REEP3: variants seen among roughly 807,000 people sequenced by gnomAD.
REEP3 encodes receptor accessory protein 3.
A neutral mutation model predicts 41.3 loss-of-function variants in REEP3; 20 were observed. That is an observed-to-expected ratio of 0.48 (90% CI 0.34 to 0.70). REEP3 has a LOEUF of 0.70. Among genes scored for constraint, REEP3 ranks in the 30% least tolerant of loss-of-function variants. REEP3 has a pLI of 0.01. For missense variants in REEP3, 271 were observed against 308.8 expected (o/e 0.88, Z 0.92); for synonymous variants, 104 against 101.8 (o/e 1.02, Z -0.13).
intron 5 of REEP3, among the ~76,000 whole-genome samples, chr10:63,609,802 T>A (rs1167922435): frequency 6.6e-6 from 1 of 151,858 alleles, no homozygotes; most frequent in Non-Finnish European, 1.5e-5. Flanking sequence ...AAACAAAAAA[T>A]TAAAAGTTGC....
At chr10:63,604,812 G>A (rs559465469) in intron 5 of REEP3, among the ~76,000 whole-genome samples, 3 of 152,152 alleles carry the variant, frequency 2.0e-5, no homozygotes, top group African/African-American at 7.2e-5. Flanking sequence ...AATTAGCCAC[G>A]AGATTTTGGG....
chr10:63,615,046 T>C (rs1335103578), intron 6 of REEP3, among the ~76,000 whole-genome samples: 1 of 152,160 alleles, frequency 6.6e-6, no homozygotes, highest in African/African-American at 2.4e-5. Flanking sequence ...TGTCAGTCTA[T>C]ACTTAATGAT....
At position 63,521,478 on chromosome 10, in the gene REEP3, G is replaced by A. The variant is rs1955237427; in HGVS notation, c.-68G>A. Reference sequence around the variant, plus strand: ...GAGCCGGCGAAGCGCGCGGCCTGCCGTTGGCGGCCTGGTCCGCAGCGCCCT... The same window carrying A: ...GAGCCGGCGAAGCGCGCGGCCTGCCATTGGCGGCCTGGTCCGCAGCGCCCT... On this transcript the variant is annotated 5_prime_UTR_variant, in exon 1 of 8. Transcript: ENST00000373758. 4.4e-6 allele frequency: 5 copies of A among 1,141,144 alleles called. No homozygotes were observed. Among genetic ancestry groups the A allele is most frequent in the African/African-American group, 3.3e-5 (2 of 60,478 alleles). 70.7% of individuals were successfully genotyped at this position (1,141,144 alleles called of 1,614,324 possible). A position where few individuals can be genotyped will look rare whatever the true frequency, so the allele number is the denominator to read the frequency against.
At chr10:63,611,702 T>C (rs1290554814) in intron 6 of REEP3, among the ~76,000 whole-genome samples, 2 of 151,952 alleles carry the variant, frequency 1.3e-5, no homozygotes, top group African/African-American at 2.4e-5. Context: ...GAAAATCATC[T>C]TTATAATTAA....
intron 5 of REEP3, among the ~76,000 whole-genome samples, chr10:63,609,180 C>T (rs1319496604): frequency 5.5e-5 from 8 of 144,254 alleles, no homozygotes; most frequent in African/African-American, 1.5e-4. Flanking sequence ...TGGCCGGGCA[C>T]GGTGGCTCAC....
chr10:63,621,090 A>G lies in REEP3; in HGVS notation c.*221A>G, dbSNP rs1956350124. On this transcript the variant is annotated 3_prime_UTR_variant, in exon 8 of 8. Coordinates refer to ENST00000373758, the MANE Select transcript of REEP3 (RefSeq NM_001001330.3). ...GCAAGATGTACTAAATATGTATATT[A>G]GAAATTATAGAAAATCATGTTGTCC... 2.6e-6 allele frequency: 1 copy of G among 379,068 alleles called. No homozygotes were observed. The highest frequency in any genetic ancestry group is 4.4e-5 in the East Asian group (1 of 22,670). 23.5% of individuals were successfully genotyped at this position (379,068 alleles called of 1,614,324 possible).
chr10:63,552,433 A>T (rs1419562695), intron 1 of REEP3, among the ~76,000 whole-genome samples: 1 of 152,170 alleles, frequency 6.6e-6, no homozygotes, highest in Non-Finnish European at 1.5e-5. Context: ...AAGAAATATA[A>T]CATTGATGAA....
intron 2 of REEP3, among the ~76,000 whole-genome samples, chr10:63,572,015 G>GT (rs1158882367): frequency 6.6e-6 from 1 of 152,292 alleles, no homozygotes; most frequent in East Asian, 1.9e-4. Flanking sequence ...AAAGCTGGAC[G>GT]TTCGGGGGCC....
At chr10:63,542,804 C>CT (rs1955540599) in intron 1 of REEP3, among the ~76,000 whole-genome samples, 3 of 152,126 alleles carry the variant, frequency 2.0e-5, no homozygotes, top group Non-Finnish European at 1.5e-5. Flanking sequence ...AGTAAGGTGA[C>CT]TTTAACAGTT....
chr10:63,559,235 T>A (rs1253401170), intron 1 of REEP3, among the ~76,000 whole-genome samples: 1 of 152,202 alleles, frequency 6.6e-6, no homozygotes, highest in Non-Finnish European at 1.5e-5. Flanking sequence ...AGTTCAGAAA[T>A]TAATTATTAA....
In REEP3 at chr10:63,623,478, T is replaced by C. The variant is rs1046585875; in HGVS notation, c.*2609T>C. The C allele has an allele frequency of 4.6e-5, 7 of 152,334 alleles. No individual in the cohort carries two copies. Among genetic ancestry groups the C allele is most frequent in the African/African-American group, 1.7e-4 (7 of 41,570 alleles). 9.4% of individuals were successfully genotyped at this position (152,334 alleles called of 1,614,324 possible). A position where few individuals can be genotyped will look rare whatever the true frequency, so the allele number is the denominator to read the frequency against. ...CCAGCACATGGAGCACGGGATTAGA[T>C]GCACAAACCTATTTAGGGAACTATT... On this transcript the variant is annotated 3_prime_UTR_variant, in exon 8 of 8. Coordinates refer to ENST00000373758, the MANE Select transcript of REEP3 (RefSeq NM_001001330.3).
chr10:63,603,651 T>C (rs1956196367), intron 5 of REEP3, among the ~76,000 whole-genome samples: 1 of 152,196 alleles, frequency 6.6e-6, no homozygotes. Flanking sequence ...TGTTCCCATT[T>C]GTTTGCAATG....
intron 2 of REEP3, among the ~76,000 whole-genome samples, chr10:63,591,951 T>C (rs1406009683): frequency 6.6e-6 from 1 of 152,206 alleles, no homozygotes; most frequent in Admixed American, 6.5e-5. Context: ...ATCAACACAG[T>C]TGTAAAATAA....
At chr10:63,619,526 A>G in intron 6 of REEP3, 129 bp from the exon 7 acceptor site, 1 of 700,228 alleles carries the variant, frequency 1.4e-6, no homozygotes. Context: ...CATGGAGCAC[A>G]TTCCAGATGC....
chr10:63,547,156 G>A (rs929890770), intron 1 of REEP3, among the ~76,000 whole-genome samples: 13 of 152,026 alleles, frequency 8.6e-5, no homozygotes, highest in South Asian at 2.1e-4. Context: ...TCCTGACCTC[G>A]TGATCTGCCT....
chr10:63,561,073 G>A (rs1564478851), intron 1 of REEP3, among the ~76,000 whole-genome samples: 1 of 152,212 alleles, frequency 6.6e-6, no homozygotes, highest in Non-Finnish European at 1.5e-5. Flanking sequence ...AGAAAGAGGT[G>A]TTAAGGGTAT....
At chr10:63,524,657 G>T (rs1955341848) in intron 1 of REEP3, among the ~76,000 whole-genome samples, 1 of 151,946 alleles carries the variant, frequency 6.6e-6, no homozygotes, top group Admixed American at 6.6e-5. Flanking sequence ...TATTGGCCAG[G>T]CTGGCCTTGA....
chr10:63,534,499 C>T (rs945050241), intron 1 of REEP3, among the ~76,000 whole-genome samples: 1 of 152,198 alleles, frequency 6.6e-6, no homozygotes, highest in African/African-American at 2.4e-5. Flanking sequence ...ATCCTCCTTC[C>T]TTGGTCTCCC....
At chr10:63,540,040 A>T (rs767209704) in intron 1 of REEP3, among the ~76,000 whole-genome samples, 3 of 152,226 alleles carry the variant, frequency 2.0e-5, no homozygotes, top group Non-Finnish European at 4.4e-5. Context: ...TGACTTTATG[A>T]TATTAAAACA....
Sources: gnomAD v4.1 joint callset for allele counts (sites outside exome capture counted in the v4.1 genomes callset) on GRCh38, gnomAD v4.1.1 for gene constraint, MANE v1.5 for transcripts, NCBI Gene and HGNC (gene_info 2026-07-23, HGNC 2026-07-21) for gene names.